Variants in GHR observed in about 807,000 individuals in gnomAD.
GHR encodes growth hormone receptor.
Under a neutral mutation model 67.1 loss-of-function variants are expected in GHR, and 35 were observed. The observed-to-expected ratio is 0.52, with a 90% CI of 0.40 to 0.69. GHR has a LOEUF of 0.69. Ranked by LOEUF, GHR falls within the 30% of genes least tolerant of loss-of-function variation. GHR has a pLI of 0.00. For missense variants in GHR, 792 were observed against 764.6 expected (o/e 1.04, Z -0.42); for synonymous variants, 272 against 269.1 (o/e 1.01, Z -0.10).
chr5:42,546,214 A>C (rs1332716407), intron 1 of GHR, among the ~76,000 whole-genome samples: 1 of 152,198 alleles, frequency 6.6e-6, no homozygotes, highest in Admixed American at 6.5e-5. Flanking sequence ...AAATGAGGTG[A>C]AAAAATCTTT....
chr5:42,676,072 G>A (rs191217931), intron 3 of GHR, among the ~76,000 whole-genome samples: 32 of 152,258 alleles, frequency 2.1e-4, no homozygotes, highest in Admixed American at 1.3e-3. Context: ...AGATCATGAG[G>A]TCAGGAGATC....
intron 2 of GHR, among the ~76,000 whole-genome samples, chr5:42,597,564 T>TA (rs980887546): frequency 6.6e-6 from 1 of 152,110 alleles, no homozygotes; most frequent in African/African-American, 2.4e-5. Flanking sequence ...AGGAAAGACT[T>TA]ACTAGGTCCT....
intron 4 of GHR, among the ~76,000 whole-genome samples, 165 bp from the exon 5 acceptor site, chr5:42,694,752 A>C (rs981597854): frequency 2.0e-5 from 3 of 152,240 alleles, no homozygotes; most frequent in Non-Finnish European, 4.4e-5. Context: ...CACTGATGAT[A>C]CTGTCCACTG....
chr5:42,615,120 T>C (rs1753077499), intron 2 of GHR, among the ~76,000 whole-genome samples: 1 of 151,996 alleles, frequency 6.6e-6, no homozygotes. Flanking sequence ...ACCCTGGTGA[T>C]ATGCAGAAAA....
At chr5:42,521,249 C>T (rs994019887) in intron 1 of GHR, among the ~76,000 whole-genome samples, 1 of 152,170 alleles carries the variant, frequency 6.6e-6, no homozygotes, top group African/African-American at 2.4e-5. Flanking sequence ...GGTGCCTTTG[C>T]CTTGGATTCG....
In GHR at chr5:42,718,727, G is replaced by A. The variant is rs1758856195; in HGVS notation, c.1220G>A (p.Gly407Asp). Residue 407 changes from glycine (G) to aspartate (D), a missense_variant, in exon 10 of 10, where the codon GGT (glycine) becomes GAT (aspartate). Gly to Asp is a moderately conservative substitution (Grantham distance 94, BLOSUM62 -1). Coordinates refer to ENST00000230882, the MANE Select transcript of GHR (RefSeq NM_000163.5). Reference protein sequence around the residue: ...TDFNANDIHEGTSEVAQPQRL... With the variant: ...TDFNANDIHEDTSEVAQPQRL... ...TTCAATGCCAATGACATACATGAGG[G>A]TACCTCAGAGGTTGCTCAGCCACAG... 4 of 1,614,018 alleles carry A rather than the reference G, an allele frequency of 2.5e-6. No individual in the cohort carries two copies. The highest frequency in any genetic ancestry group is 1.7e-6 in the Non-Finnish European group (2 of 1,179,944).
At chr5:42,543,299 T>C (rs2112386407) in intron 1 of GHR, among the ~76,000 whole-genome samples, 1 of 152,286 alleles carries the variant, frequency 6.6e-6, no homozygotes, top group Non-Finnish European at 1.5e-5. Context: ...CAGCATTTAT[T>C]GTTTGTTTTT....
chr5:42,487,991 G>A (rs146431960), intron 1 of GHR, among the ~76,000 whole-genome samples: 1 of 152,240 alleles, frequency 6.6e-6, no homozygotes, highest in African/African-American at 2.4e-5. Context: ...TTTTTTGATA[G>A]AACAGCTCTT....
intron 3 of GHR, among the ~76,000 whole-genome samples, chr5:42,639,783 A>T (rs1185518618): frequency 6.6e-6 from 1 of 152,082 alleles, no homozygotes; most frequent in African/African-American, 2.4e-5. Context: ...TCCTTTCTAG[A>T]TTGTAAGTTC....
At chr5:42,456,005 C>G (rs1364367162) in intron 1 of GHR, among the ~76,000 whole-genome samples, 2 of 152,206 alleles carry the variant, frequency 1.3e-5, no homozygotes, top group African/African-American at 4.8e-5. Flanking sequence ...TTATCTTACT[C>G]TTGACCAATT....
chr5:42,572,064 A>C, intron 2 of GHR, among the ~76,000 whole-genome samples: 1 of 152,196 alleles, frequency 6.6e-6, no homozygotes, highest in Non-Finnish European at 1.5e-5. Flanking sequence ...TTTCCCAAGG[A>C]AAACCATCTC....
At position 42,569,058 on chromosome 5, in the gene GHR, GAAT is replaced by G. The variant is rs1027014715; in HGVS notation, c.70+3115_70+3117del. On this transcript the variant is annotated intron_variant, in intron 2 of 9. Coordinates refer to ENST00000230882, the MANE Select transcript of GHR (RefSeq NM_000163.5). Reference sequence around the variant, plus strand: ...ACGTGAGGGATACCTCAGCTGTGGTGAATTACAGCTTCATGAAGGAGGTTGACA... The same window carrying G: ...ACGTGAGGGATACCTCAGCTGTGGTGTACAGCTTCATGAAGGAGGTTGACA... Among the ~76,000 whole-genome samples, 8 of 152,292 alleles carry G rather than the reference GAAT, an allele frequency of 5.3e-5. 1 individual carries two copies. The highest frequency in any genetic ancestry group is 1.9e-4 in the African/African-American group (8 of 41,568).
chr5:42,615,657 A>G (rs1753105402), intron 2 of GHR, among the ~76,000 whole-genome samples: 1 of 152,012 alleles, frequency 6.6e-6, no homozygotes, highest in Admixed American at 6.6e-5. Flanking sequence ...TAGTCAGCAC[A>G]TATTATGGTT....
chr5:42,489,437 G>A (rs1443768380), intron 1 of GHR, among the ~76,000 whole-genome samples: 2 of 152,094 alleles, frequency 1.3e-5, no homozygotes, highest in Admixed American at 6.6e-5. Flanking sequence ...ATGAGTGACT[G>A]TAACATCTTG....
chr5:42,541,007 G>GT (rs1242043516), intron 1 of GHR, among the ~76,000 whole-genome samples: 4 of 124,386 alleles, frequency 3.2e-5, no homozygotes, highest in East Asian at 2.3e-4. Flanking sequence ...GTTCCATATT[G>GT]TTTTTTTACA....
chr5:42,630,284 G>A (rs1290810440), intron 3 of GHR, among the ~76,000 whole-genome samples: 1 of 131,842 alleles, frequency 7.6e-6, no homozygotes, highest in Non-Finnish European at 1.6e-5. Flanking sequence ...ATAGTAGTAG[G>A]TACTTGTTTA....
At chr5:42,604,130 C>T (rs756684648) in intron 2 of GHR, among the ~76,000 whole-genome samples, 14 of 152,184 alleles carry the variant, frequency 9.2e-5, no homozygotes, top group Non-Finnish European at 1.5e-4. Context: ...AGCTTCTGTC[C>T]TTGTGGAGTT....
chr5:42,463,301 T>C (rs896794397), intron 1 of GHR, among the ~76,000 whole-genome samples: 6 of 152,242 alleles, frequency 3.9e-5, no homozygotes, highest in Non-Finnish European at 7.3e-5. Context: ...ATTTAGTCAA[T>C]GATACGACTT....
In GHR at chr5:42,425,118, C is replaced by T. The variant is rs1477971674; in HGVS notation, c.-12+1163C>T. 6.7e-5 allele frequency: 39 copies of T among 584,540 alleles called. No individual in the cohort carries two copies. The South Asian group carries it at 1.0e-3, about 16-fold the overall frequency. The allele number at this position is 584,540 out of a possible 1,614,324, so 36.2% of individuals were successfully genotyped here. On this transcript the variant is annotated intron_variant, in intron 1 of 9. Coordinates refer to ENST00000230882, the MANE Select transcript of GHR (RefSeq NM_000163.5). ...TATTAAGGGCTTTAAAATAACTAAA[C>T]GCATTGCCCTGAGTGGCTGAGGACT...
Sources: allele counts gnomAD v4.1 joint callset (sites outside exome capture counted in the v4.1 genomes callset), GRCh38; gene constraint gnomAD v4.1.1; transcripts MANE v1.5; gene names NCBI Gene and HGNC (gene_info 2026-07-23, HGNC 2026-07-21).